Variants in MCTP1 observed in about 807,000 individuals in gnomAD.
The protein encoded by MCTP1 is multiple C2 and transmembrane domain-containing protein 1.
MCTP1 carries 69 observed loss-of-function variants against 120.6 expected under a neutral mutation model. The observed-to-expected ratio is 0.57, with a 90% CI of 0.47 to 0.70. MCTP1 has a LOEUF of 0.70. Among genes scored for constraint, MCTP1 ranks in the 30% least tolerant of loss-of-function variants. The pLI, the probability that MCTP1 is intolerant of heterozygous loss-of-function variation, is 0.00. For missense variants in MCTP1, 1,203 were observed against 1,248.8 expected, an observed-to-expected ratio of 0.96 and a Z score of 0.55; for synonymous variants, 529 against 493.1, an observed-to-expected ratio of 1.07 and a Z score of -0.96.
chr5:95,259,155 G>A (rs531323876), intron 1 of MCTP1, among the ~76,000 whole-genome samples: 2 of 152,230 alleles, frequency 1.3e-5, no homozygotes, highest in East Asian at 1.9e-4. Context: ...TTGACTACGC[G>A]TCAAGTTGCC....
intron 1 of MCTP1, among the ~76,000 whole-genome samples, chr5:95,123,795 G>T (rs1055084336): frequency 1.3e-5 from 2 of 151,728 alleles, no homozygotes; most frequent in African/African-American, 2.4e-5. Context: ...GACTACAGGC[G>T]CCCGCCACTG....
chr5:94,778,661 G>A lies in MCTP1; in HGVS notation c.2610+449C>T, dbSNP rs528837585. 2.6e-5 allele frequency among the ~76,000 whole-genome samples: 4 copies of A among 152,208 alleles called. No individual in the cohort carries two copies. The East Asian group carries it at 5.8e-4, about 22-fold the overall frequency. On this transcript the variant is annotated intron_variant, in intron 19 of 22. Coordinates refer to ENST00000515393, the MANE Select transcript of MCTP1 (RefSeq NM_024717.7). ...TATTTAAATGTCCTCTGGAGCACTC[G>A]GCACATTCATGTCCTTTTGCTGAGC...
intron 1 of MCTP1, among the ~76,000 whole-genome samples, chr5:95,099,600 A>T (rs1347958987): frequency 6.7e-6 from 1 of 148,852 alleles, no homozygotes; most frequent in East Asian, 1.9e-4. Context: ...TTAGAATGGC[A>T]ATCATTAAAA....
chr5:95,060,979 G>A (rs1582088754), intron 1 of MCTP1, among the ~76,000 whole-genome samples: 1 of 146,650 alleles, frequency 6.8e-6, no homozygotes, highest in Admixed American at 6.8e-5. Flanking sequence ...AGAAAATAAT[G>A]AAGAATCTGT....
chr5:94,867,101 T>G (rs1439724026), intron 17 of MCTP1: 48 of 687,748 alleles, frequency 7.0e-5, no homozygotes, highest in Non-Finnish European at 1.0e-5. Flanking sequence ...CTCATCAATG[T>G]AAAAGTACCT....
At chr5:94,963,684 G>T (rs563410607) in intron 2 of MCTP1, among the ~76,000 whole-genome samples, 1 of 152,110 alleles carries the variant, frequency 6.6e-6, no homozygotes, top group African/African-American at 2.4e-5. Context: ...TTACTGAGTT[G>T]TAGTAGTTCC....
intron 1 of MCTP1, among the ~76,000 whole-genome samples, chr5:95,039,233 C>T (rs1487494336): frequency 6.6e-6 from 1 of 152,138 alleles, no homozygotes; most frequent in Non-Finnish European, 1.5e-5. Context: ...GTTCAAAAAA[C>T]AGATTAGTAT....
chr5:94,915,782 A>T (rs1809901545), intron 8 of MCTP1, among the ~76,000 whole-genome samples: 1 of 152,074 alleles, frequency 6.6e-6, no homozygotes, highest in Non-Finnish European at 1.5e-5. Flanking sequence ...AGCTCACAGG[A>T]GGAGAAAAGA....
intron 1 of MCTP1, among the ~76,000 whole-genome samples, chr5:95,147,074 T>A (rs1274904143): frequency 6.6e-6 from 1 of 152,000 alleles, no homozygotes; most frequent in East Asian, 1.9e-4. Flanking sequence ...GGTGCTTATT[T>A]ATTTTATTTT....
intron 15 of MCTP1, 64 bp from the exon 16 acceptor site, chr5:94,870,555 G>T: frequency 3.3e-6 from 4 of 1,199,018 alleles, no homozygotes; most frequent in South Asian, 1.2e-5. Flanking sequence ...AGTTTTTCAC[G>T]CAGTTCAATT....
At chr5:95,160,857 T>C (rs1192106332) in intron 1 of MCTP1, among the ~76,000 whole-genome samples, 1 of 152,102 alleles carries the variant, frequency 6.6e-6, no homozygotes, top group African/African-American at 2.4e-5. Context: ...AAAAAATGCC[T>C]ATCACTAATA....
At chr5:94,938,007 T>C (rs548799354) in intron 5 of MCTP1, among the ~76,000 whole-genome samples, 1 of 152,088 alleles carries the variant, frequency 6.6e-6, no homozygotes, top group East Asian at 1.9e-4. Flanking sequence ...TCTTGTTGAT[T>C]TTTACCTCCT....
At chr5:95,103,476 GA>G (rs1484827319) in intron 1 of MCTP1, among the ~76,000 whole-genome samples, 2 of 152,142 alleles carry the variant, frequency 1.3e-5, no homozygotes, top group Non-Finnish European at 2.9e-5. Context: ...ATGAGGCAGA[GA>G]AAATAGCAGA....
chr5:95,145,214 T>C (rs550689729), intron 1 of MCTP1, among the ~76,000 whole-genome samples: 74 of 152,318 alleles, frequency 4.9e-4, no homozygotes, highest in African/African-American at 1.7e-3. Context: ...TATTGGTGTA[T>C]AGAAATGTTA....
At chr5:94,868,830 T>C (rs1797311913) in intron 16 of MCTP1, among the ~76,000 whole-genome samples, 10 of 152,010 alleles carry the variant, frequency 6.6e-5, no homozygotes. Flanking sequence ...TCAAGACATT[T>C]CAAAGTGAAG....
In MCTP1 at chr5:95,224,379, A is replaced by G. The variant is rs62367260; in HGVS notation, c.720+59477T>C. Among the ~76,000 whole-genome samples, 276 of 152,356 alleles carry G rather than the reference A, an allele frequency of 1.8e-3. 1 individual carries two copies. The highest frequency in any genetic ancestry group is 3.0e-3 in the Non-Finnish European group (205 of 68,040). Reference sequence around the variant, plus strand: ...TAAGGGGATATTTACATTTAATGTTAGCAAATATTGCATAGTACTCTAACA... The same window carrying G: ...TAAGGGGATATTTACATTTAATGTTGGCAAATATTGCATAGTACTCTAACA... On this transcript the variant is annotated intron_variant, in intron 1 of 22. Transcript: ENST00000515393.
intron 1 of MCTP1, among the ~76,000 whole-genome samples, chr5:95,250,132 T>C (rs1234332541): frequency 5.9e-5 from 9 of 152,014 alleles, no homozygotes; most frequent in African/African-American, 2.2e-4. Flanking sequence ...GTTGTGCACA[T>C]GTACCCTAGA....
At chr5:95,249,551 T>C (rs568599816) in intron 1 of MCTP1, among the ~76,000 whole-genome samples, 1 of 152,236 alleles carries the variant, frequency 6.6e-6, no homozygotes, top group South Asian at 2.1e-4. Flanking sequence ...CGCTTTTCAC[T>C]GTCGGTGGGA....
intron 2 of MCTP1, among the ~76,000 whole-genome samples, chr5:94,956,960 A>G (rs149486773): frequency 0.026 from 3,893 of 152,250 alleles, 163 homozygotes; most frequent in African/African-American, 0.085. Context: ...AAGACACATA[A>G]TCGTCAGATT....
Sources: allele counts gnomAD v4.1 joint callset (sites outside exome capture counted in the v4.1 genomes callset), GRCh38; gene constraint gnomAD v4.1.1; transcripts MANE v1.5; gene names NCBI Gene and HGNC (gene_info 2026-07-23, HGNC 2026-07-21).